Variants in LRRC69 observed in about 807,000 individuals in gnomAD.
The protein encoded by LRRC69 is leucine rich repeat containing 69, also known as leucine-rich repeat-containing protein 69.
Under a neutral mutation model 37.8 loss-of-function variants are expected in LRRC69, and 42 were observed. The ratio of observed to expected loss-of-function variants is 1.11; its 90% CI spans 0.87 to 1.44. The LOEUF (loss-of-function observed/expected upper bound fraction) is 1.44, where lower values mean the gene tolerates loss of function less well. Among genes scored for constraint, LRRC69 ranks in the 40% most tolerant of loss-of-function variants. The pLI is 0.00. For synonymous variants in LRRC69, 141 were observed against 143.1 expected, an observed-to-expected ratio of 0.99 and a Z score of 0.11; for missense variants, 357 against 401.9, an observed-to-expected ratio of 0.89 and a Z score of 0.96.
At chr8:91,128,718 A>G (rs899787393) in intron 3 of LRRC69, among the ~76,000 whole-genome samples, 2 of 152,082 alleles carry the variant, frequency 1.3e-5, no homozygotes, top group African/African-American at 4.8e-5. Flanking sequence ...TAAGTGCTCA[A>G]TGGATGTTAG....
At chr8:91,168,262 G>A (rs1481244320) in intron 5 of LRRC69, among the ~76,000 whole-genome samples, 2 of 151,774 alleles carry the variant, frequency 1.3e-5, no homozygotes, top group Non-Finnish European at 2.9e-5. Context: ...ACTCTAATTA[G>A]GGCTTTTGGA....
chr8:91,206,667 A>C (rs1464068835), intron 7 of LRRC69: 1 of 1,288,718 alleles, frequency 7.8e-7, no homozygotes, highest in Non-Finnish European at 1.0e-6. Flanking sequence ...ATGTGCTGCT[A>C]CTCTTATTTC....
At chr8:91,108,462 T>G (rs1312968110) in intron 1 of LRRC69, among the ~76,000 whole-genome samples, 1 of 152,048 alleles carries the variant, frequency 6.6e-6, no homozygotes, top group East Asian at 1.9e-4. Flanking sequence ...TGTGAAATAT[T>G]ACACTCGTGA....
At chr8:91,157,012 A>G (rs1808847662) in intron 5 of LRRC69, among the ~76,000 whole-genome samples, 1 of 150,974 alleles carries the variant, frequency 6.6e-6, no homozygotes, top group African/African-American at 2.4e-5. Flanking sequence ...TGTTTTGGTT[A>G]CTATAGCTTT....
chr8:91,198,611 A>G (rs1809660552), intron 6 of LRRC69, among the ~76,000 whole-genome samples: 1 of 152,124 alleles, frequency 6.6e-6, no homozygotes, highest in South Asian at 2.1e-4. Context: ...AATCAATTTC[A>G]TTTATGATGA....
At chr8:91,131,586 T>C (rs1435450012) in intron 3 of LRRC69, among the ~76,000 whole-genome samples, 3 of 151,990 alleles carry the variant, frequency 2.0e-5, no homozygotes, top group Admixed American at 1.3e-4. Flanking sequence ...TCTTTTGTTA[T>C]ATGTACTCTT....
intron 5 of LRRC69, among the ~76,000 whole-genome samples, chr8:91,149,277 G>T (rs1014643441): frequency 2.0e-5 from 3 of 151,934 alleles, no homozygotes; most frequent in Non-Finnish European, 4.4e-5. Flanking sequence ...TGTAAGGAAG[G>T]GATCCAGTTT....
intron 5 of LRRC69, among the ~76,000 whole-genome samples, chr8:91,171,079 A>G (rs1409862363): frequency 6.6e-6 from 1 of 151,842 alleles, no homozygotes; most frequent in East Asian, 1.9e-4. Context: ...ACCCCATCAA[A>G]AAGTGGGTGT....
At chr8:91,139,321 C>G (rs1423845213) in intron 5 of LRRC69, 1 of 151,856 alleles carries the variant, frequency 6.6e-6, no homozygotes, top group Admixed American at 6.6e-5. Context: ...GCGGGTGGAT[C>G]ACGAGGTCAG....
intron 1 of LRRC69, among the ~76,000 whole-genome samples, chr8:91,107,702 C>G (rs1813342082): frequency 6.6e-6 from 1 of 151,930 alleles, no homozygotes; most frequent in South Asian, 2.1e-4. Context: ...ACTTTAGATC[C>G]TACTTCCATT....
At chr8:91,157,808 T>C (rs755665106) in intron 5 of LRRC69, 31 of 1,607,606 alleles carry the variant, frequency 1.9e-5, no homozygotes, top group Non-Finnish European at 2.6e-5. Context: ...ATGGGATTAT[T>C]CCCCACAAAG....
chr8:91,138,729 A>C (rs1430539086), intron 5 of LRRC69: 1 of 151,944 alleles, frequency 6.6e-6, no homozygotes, highest in Admixed American at 6.6e-5. Context: ...TCCTAAGAAA[A>C]AATCTGGCAT....
intron 1 of LRRC69, among the ~76,000 whole-genome samples, chr8:91,121,110 T>C (rs762391369): frequency 1.3e-5 from 2 of 151,832 alleles, no homozygotes; most frequent in Non-Finnish European, 2.9e-5. Flanking sequence ...TGGCTCTTCA[T>C]CCAAAGCATA....
chr8:91,171,309 G>T (rs7820079), intron 5 of LRRC69, among the ~76,000 whole-genome samples: 5 of 151,000 alleles, frequency 3.3e-5, no homozygotes, highest in Admixed American at 2.6e-4. Flanking sequence ...GTTATTCCAT[G>T]TATACATTTA....
intron 5 of LRRC69, among the ~76,000 whole-genome samples, chr8:91,170,028 G>T (rs1809099856): frequency 9.2e-6 from 1 of 108,808 alleles, no homozygotes; most frequent in Non-Finnish European, 1.9e-5. Flanking sequence ...TAGTCCTTTG[G>T]GTATATACCC....
At chr8:91,149,430 T>C (rs1374097217) in intron 5 of LRRC69, among the ~76,000 whole-genome samples, 1 of 151,980 alleles carries the variant, frequency 6.6e-6, no homozygotes, top group Non-Finnish European at 1.5e-5. Context: ...CTCTGTTCTG[T>C]TCCATTGGTC....
intron 6 of LRRC69, among the ~76,000 whole-genome samples, chr8:91,194,327 G>T (rs556929907): frequency 5.7e-4 from 86 of 151,022 alleles, no homozygotes; most frequent in African/African-American, 1.9e-3. Flanking sequence ...TTGTGTCTCT[G>T]CCAGGCTTTG....
At chr8:91,197,369 C>T in intron 6 of LRRC69, among the ~76,000 whole-genome samples, 1 of 152,202 alleles carries the variant, frequency 6.6e-6, no homozygotes, top group Non-Finnish European at 1.5e-5. Context: ...GTGGGCTCCA[C>T]CCAGTTCGAG....
chr8:91,148,446 T>G (rs13257093), intron 5 of LRRC69, among the ~76,000 whole-genome samples: 1 of 151,914 alleles, frequency 6.6e-6, no homozygotes, highest in Non-Finnish European at 1.5e-5. Flanking sequence ...TATTCCATGG[T>G]GTATATGTGC....
Sources: gnomAD v4.1 joint callset for allele counts (sites outside exome capture counted in the v4.1 genomes callset) on GRCh38, gnomAD v4.1.1 for gene constraint, MANE v1.5 for transcripts, NCBI Gene and HGNC (gene_info 2026-07-23, HGNC 2026-07-21) for gene names.